Variants in CEP112 observed in about 807,000 individuals in gnomAD.
CEP112 encodes the protein centrosomal protein 112.
A neutral mutation model predicts 153.0 loss-of-function variants in CEP112; 127 were observed. The observed-to-expected ratio is 0.83, with a 90% confidence interval of 0.72 to 0.96. The LOEUF is 0.96. CEP112 is among the 40% of genes least tolerant of loss of function. CEP112 has a pLI of 0.00. For missense variants in CEP112, 1,089 were observed against 1,101.2 expected, an observed-to-expected ratio of 0.99 and a Z score of 0.16; for synonymous variants, 358 against 374.4, an observed-to-expected ratio of 0.96 and a Z score of 0.51.
intron 8 of CEP112, among the ~76,000 whole-genome samples, chr17:66,070,798 T>A (rs1433305184): frequency 6.6e-6 from 1 of 152,180 alleles, no homozygotes; most frequent in Non-Finnish European, 1.5e-5. Context: ...GAGTTAAGTG[T>A]TATACATTGG....
At chr17:65,970,564 T>C (rs1334091818) in intron 17 of CEP112, among the ~76,000 whole-genome samples, 1 of 152,044 alleles carries the variant, frequency 6.6e-6, no homozygotes, top group Non-Finnish European at 1.5e-5. Context: ...GTTACCTACA[T>C]CTTACATGCA....
intron 21 of CEP112, among the ~76,000 whole-genome samples, chr17:65,798,215 C>T (rs1364747441): frequency 6.6e-6 from 1 of 152,072 alleles, no homozygotes; most frequent in Non-Finnish European, 1.5e-5. Context: ...GGAGAGTTAC[C>T]TCCTGATCTC....
rs55970498 is a variant in CEP112, at chr17:65,790,921, G to A, written c.2395-40197C>T. Among the ~76,000 whole-genome samples, 1,262 of 152,248 alleles carry A rather than the reference G, an allele frequency of 8.3e-3. 14 individuals are homozygous for A. Among genetic ancestry groups the A allele is most frequent in the South Asian group, 0.02 (97 of 4,824 alleles). ...CATCTTAGTCTAACACCCTTGCGTT[G>A]GGGATGTACCTGACATACAGGCACC... On this transcript the variant is annotated intron_variant, in intron 21 of 26. Coordinates refer to ENST00000535342, the MANE Select transcript of CEP112 (RefSeq NM_001199165.4).
At chr17:65,661,798 C>A (rs1384197569) in intron 24 of CEP112, 1 of 152,130 alleles carries the variant, frequency 6.6e-6, no homozygotes, top group Non-Finnish European at 1.5e-5. Flanking sequence ...CCTGGGCTCA[C>A]TTCATCGGCA....
chr17:65,970,963 G>A (rs1360600528), intron 17 of CEP112, among the ~76,000 whole-genome samples: 1 of 151,306 alleles, frequency 6.6e-6, no homozygotes, highest in Non-Finnish European at 1.5e-5. Context: ...CCTATTACAT[G>A]TTGGCCAGGC....
chr17:65,655,150 T>C, intron 24 of CEP112: 1 of 747,836 alleles, frequency 1.3e-6, no homozygotes, highest in Non-Finnish European at 2.5e-6. Flanking sequence ...TGTCATTGAA[T>C]TAAAAGTGTA....
At chr17:66,175,011 A>G (rs768113439) in intron 4 of CEP112, 33 bp downstream of exon 4, 14 of 1,417,048 alleles carry the variant, frequency 9.9e-6, no homozygotes, top group Non-Finnish European at 1.3e-5. Flanking sequence ...CTAAATGATG[A>G]AACACATTCA....
At chr17:66,073,207 T>C (rs1391459861) in intron 8 of CEP112, among the ~76,000 whole-genome samples, 1 of 152,140 alleles carries the variant, frequency 6.6e-6, no homozygotes, top group Non-Finnish European at 1.5e-5. Context: ...GGATAAAATA[T>C]ATGAGATAAC....
intron 1 of CEP112, among the ~76,000 whole-genome samples, chr17:66,183,810 A>G (rs2072817466): frequency 6.6e-6 from 1 of 152,218 alleles, no homozygotes; most frequent in African/African-American, 2.4e-5. Context: ...CATCCTGTAT[A>G]TAAAAATTAA....
At chr17:65,713,571 G>A (rs951617979) in intron 23 of CEP112, among the ~76,000 whole-genome samples, 4 of 152,132 alleles carry the variant, frequency 2.6e-5, no homozygotes, top group South Asian at 2.1e-4. Context: ...TCCCTCTCAC[G>A]TCAAGTCAAT....
intron 6 of CEP112, among the ~76,000 whole-genome samples, chr17:66,110,980 C>T (rs1220924778): frequency 2.6e-5 from 4 of 151,832 alleles, no homozygotes; most frequent in Admixed American, 6.6e-5. Flanking sequence ...TCTAATATCC[C>T]GCATCAATAA....
At chr17:66,188,586 T>TG (rs2073040839) in intron 1 of CEP112, among the ~76,000 whole-genome samples, 2 of 18,200 alleles carry the variant, frequency 1.1e-4, no homozygotes, top group Admixed American at 7.2e-4. Flanking sequence ...ATCATGCTGT[T>TG]TTTTTTTTTT....
rs2144921401 is a variant in CEP112, at chr17:65,970,312, T to TAC, written c.1737-8715_1737-8714insGT. On this transcript the variant is annotated intron_variant, in intron 17 of 26. Coordinates refer to ENST00000535342, the MANE Select transcript of CEP112 (RefSeq NM_001199165.4). ...GATGTCATACTGCATGTGTATCTCATATGTAAAACATATTGCATGCATATT... is the reference window on the plus strand; with the variant it reads ...GATGTCATACTGCATGTGTATCTCATACATGTAAAACATATTGCATGCATATT... 2.6e-5 allele frequency among the ~76,000 whole-genome samples: 4 copies of TAC among 151,444 alleles called. 1 individual carries two copies. The highest frequency in any genetic ancestry group is 4.2e-4 in the South Asian group (2 of 4,806).
intron 24 of CEP112, 171 bp downstream of exon 24, chr17:65,688,958 G>T (rs2047956339): frequency 1.2e-5 from 6 of 487,600 alleles, no homozygotes; most frequent in Non-Finnish European, 2.2e-5. Context: ...AGTAGAGACA[G>T]GGTTTCACCA....
chr17:66,027,932 G>A (rs962207219), intron 15 of CEP112, among the ~76,000 whole-genome samples: 1 of 150,922 alleles, frequency 6.6e-6, no homozygotes, highest in Non-Finnish European at 1.5e-5. Context: ...AGATCTAAAA[G>A]GTGCAAAAGA....
intron 24 of CEP112, among the ~76,000 whole-genome samples, chr17:65,673,250 A>G (rs368777480): frequency 6.6e-6 from 1 of 152,094 alleles, no homozygotes; most frequent in Admixed American, 6.5e-5. Flanking sequence ...TGCGACTGCT[A>G]TTCCTCATCA....
At chr17:65,813,085 A>T (rs2056075059) in intron 21 of CEP112, among the ~76,000 whole-genome samples, 1 of 152,198 alleles carries the variant, frequency 6.6e-6, no homozygotes, top group South Asian at 2.1e-4. Context: ...AATCCAGGTG[A>T]CTAGCAGGGC....
chr17:65,907,214 T>G (rs1193662456), intron 19 of CEP112, among the ~76,000 whole-genome samples: 1 of 152,206 alleles, frequency 6.6e-6, no homozygotes, highest in African/African-American at 2.4e-5. Flanking sequence ...TAATGTACTT[T>G]CACAGTAACT....
At chr17:65,981,019 T>C (rs141389111) in intron 17 of CEP112, among the ~76,000 whole-genome samples, 1 of 152,138 alleles carries the variant, frequency 6.6e-6, no homozygotes, top group Non-Finnish European at 1.5e-5. Flanking sequence ...TTTCTCCATG[T>C]TGACCAGGCT....
Sources: allele counts gnomAD v4.1 joint callset (sites outside exome capture counted in the v4.1 genomes callset), GRCh38; gene constraint gnomAD v4.1.1; transcripts MANE v1.5; gene names NCBI Gene and HGNC (gene_info 2026-07-23, HGNC 2026-07-21).